Variants in HECW1 observed in about 807,000 individuals in gnomAD.
HECW1 encodes the protein HECT, C2 and WW domain containing E3 ubiquitin protein ligase 1.
A neutral mutation model predicts 182.3 loss-of-function variants in HECW1; 61 were observed. The ratio of observed to expected loss-of-function variants is 0.33; its 90% CI spans 0.27 to 0.41. The LOEUF (loss-of-function observed/expected upper bound fraction) is 0.41, where lower values mean the gene tolerates loss of function less well. HECW1 is among the 10% of genes least tolerant of loss of function. The pLI is 1.00. For missense variants in HECW1, 1,739 were observed against 2,108.9 expected (o/e 0.82, Z 3.44); for synonymous variants, 859 against 832.6 (o/e 1.03, Z -0.55).
chr7:43,409,523 G>A (rs539434684), intron 8 of HECW1, among the ~76,000 whole-genome samples: 2 of 152,286 alleles, frequency 1.3e-5, no homozygotes, highest in Non-Finnish European at 2.9e-5. Context: ...GGCTAAAAAC[G>A]TCAACTAGAA....
intron 2 of HECW1, among the ~76,000 whole-genome samples, chr7:43,236,906 C>T (rs1798398578): frequency 1.3e-5 from 2 of 152,120 alleles, no homozygotes; most frequent in Middle Eastern, 3.4e-3. Context: ...GTTTGCCTGC[C>T]ATAGTTGCCA....
intron 2 of HECW1, among the ~76,000 whole-genome samples, chr7:43,219,690 T>A (rs909124960): frequency 2.6e-5 from 4 of 152,172 alleles, no homozygotes; most frequent in Non-Finnish European, 5.9e-5. Context: ...ACAGTGCTTT[T>A]CTATACAATG....
At chr7:43,393,677 CTTTT>C (rs199626474) in intron 6 of HECW1, among the ~76,000 whole-genome samples, 1 of 139,238 alleles carries the variant, frequency 7.2e-6, no homozygotes, top group Non-Finnish European at 1.5e-5. Context: ...TTTTCTTCTT[CTTTT>C]TTTTTTTTCA....
intron 8 of HECW1, among the ~76,000 whole-genome samples, chr7:43,424,838 T>C (rs1035436476): frequency 1.3e-5 from 2 of 152,176 alleles, no homozygotes; most frequent in Admixed American, 1.3e-4. Context: ...AATCCCACAT[T>C]TTCTGGGATT....
chr7:43,470,421 C>CTT (rs2077972356), intron 16 of HECW1, among the ~76,000 whole-genome samples: 1 of 152,164 alleles, frequency 6.6e-6, no homozygotes, highest in African/African-American at 2.4e-5. Flanking sequence ...ATGACTGCAG[C>CTT]TTTTGCACCA....
intron 17 of HECW1, chr7:43,484,217 GC>G (rs2078543956): frequency 6.6e-6 from 1 of 152,236 alleles, no homozygotes; most frequent in East Asian, 1.9e-4. Context: ...AGTCTGTGGG[GC>G]TTGATTCCAC....
chr7:43,495,834 T>G (rs1467993549), intron 19 of HECW1, among the ~76,000 whole-genome samples: 1 of 152,184 alleles, frequency 6.6e-6, no homozygotes, highest in Non-Finnish European at 1.5e-5. Context: ...CCAGGGATGT[T>G]GTATTATCTT....
intron 6 of HECW1, among the ~76,000 whole-genome samples, chr7:43,392,551 G>C (rs1285976967): frequency 6.6e-6 from 1 of 152,144 alleles, no homozygotes; most frequent in Admixed American, 6.6e-5. Context: ...AAAATTTTGG[G>C]TAAAATGATG....
intron 2 of HECW1, among the ~76,000 whole-genome samples, chr7:43,164,570 T>G (rs898659338): frequency 2.0e-5 from 3 of 152,096 alleles, no homozygotes; most frequent in African/African-American, 4.8e-5. Context: ...GACACACCCC[T>G]CCCTCCTTCC....
chr7:43,414,165 C>T (rs959210070), intron 8 of HECW1, among the ~76,000 whole-genome samples: 3 of 151,274 alleles, frequency 2.0e-5, no homozygotes, highest in Non-Finnish European at 3.0e-5. Flanking sequence ...TGAAGAGGTC[C>T]TTCACATCCC....
chr7:43,469,239 G>A, intron 16 of HECW1, 134 bp downstream of exon 16: 1 of 893,586 alleles, frequency 1.1e-6, no homozygotes, highest in Non-Finnish European at 1.7e-6. Flanking sequence ...AGCAGTAAAG[G>A]GGCTGATAAC....
chr7:43,561,908 C>T lies in HECW1; in HGVS notation c.4803C>T (p.Ser1601=). 1.2e-6 allele frequency: 2 copies of T among 1,608,782 alleles called. No individual in the cohort carries two copies. The highest frequency in any genetic ancestry group is 1.7e-6 in the Non-Finnish European group (2 of 1,175,098). Residue 1601 remains serine, a synonymous_variant, in exon 30 of 30, where the codon AGC becomes AGT. Coordinates refer to ENST00000395891, the MANE Select transcript of HECW1 (RefSeq NM_015052.5). ...TGTTAACAGCAGTAGAGGAAACCAG[C>T]ACCTTTGGACTTGAGTGAGGACATG... The part of the protein sequence containing the change: ...EKLLTAVEET[S]TFGLE
intron 24 of HECW1, among the ~76,000 whole-genome samples, chr7:43,537,604 T>C (rs112824237): frequency 1.6e-3 from 241 of 152,366 alleles, no homozygotes; most frequent in African/African-American, 5.6e-3. Context: ...TGTTTTATTT[T>C]CCTTCAGCTA....
At chr7:43,296,513 A>G (rs559327672) in intron 3 of HECW1, among the ~76,000 whole-genome samples, 1 of 152,274 alleles carries the variant, frequency 6.6e-6, no homozygotes, top group South Asian at 2.1e-4. Flanking sequence ...TTGGCGGCGC[A>G]GCTGTGGACG....
At chr7:43,308,340 T>C (rs1376205896) in intron 3 of HECW1, among the ~76,000 whole-genome samples, 1 of 136,214 alleles carries the variant, frequency 7.3e-6, no homozygotes, top group Non-Finnish European at 1.5e-5. Flanking sequence ...TTATATATAT[T>C]ATATGATATA....
intron 16 of HECW1, among the ~76,000 whole-genome samples, chr7:43,477,199 A>G (rs2078250773): frequency 6.6e-6 from 1 of 152,180 alleles, no homozygotes; most frequent in African/African-American, 2.4e-5. Context: ...TATAAAGAGG[A>G]AGATTCATGA....
At chr7:43,528,416 T>C (rs143293554) in intron 24 of HECW1, among the ~76,000 whole-genome samples, 27 of 152,336 alleles carry the variant, frequency 1.8e-4, no homozygotes, top group African/African-American at 6.5e-4. Flanking sequence ...TAACCTAATT[T>C]AATCCTTATA....
intron 3 of HECW1, among the ~76,000 whole-genome samples, chr7:43,252,222 C>T (rs532437157): frequency 1.3e-5 from 2 of 152,284 alleles, no homozygotes; most frequent in South Asian, 2.1e-4. Context: ...TCCCCTGCTA[C>T]GTGGGTCTTT....
intron 8 of HECW1, among the ~76,000 whole-genome samples, chr7:43,422,930 A>AGAGTC (rs982155237): frequency 4.4e-4 from 67 of 152,086 alleles, no homozygotes; most frequent in African/African-American, 1.6e-3. Context: ...TGCCTGGCCG[A>AGAGTC]GAGTCGTGGT....
Sources: gnomAD v4.1 joint callset for allele counts (sites outside exome capture counted in the v4.1 genomes callset) on GRCh38, gnomAD v4.1.1 for gene constraint, MANE v1.5 for transcripts, NCBI Gene and HGNC (gene_info 2026-07-23, HGNC 2026-07-21) for gene names.